MNT: variants seen among roughly 807,000 people sequenced by gnomAD.
MNT encodes max-binding protein MNT.
MNT carries 13 observed loss-of-function variants against 40.7 expected under a neutral mutation model. That is an observed-to-expected ratio of 0.32 (90% CI 0.21 to 0.51). The LOEUF (loss-of-function observed/expected upper bound fraction) is 0.51. MNT is among the 20% of genes least tolerant of loss of function. The pLI, the probability that MNT is intolerant of heterozygous loss-of-function variation, is 0.98. For missense variants in MNT, 757 were observed against 792.0 expected (o/e 0.96, Z 0.53); for synonymous variants, 426 against 354.8 (o/e 1.20, Z -2.26).
chr17:2,398,000 C>T (rs977998667), intron 1 of MNT, among the ~76,000 whole-genome samples: 4 of 152,266 alleles, frequency 2.6e-5, no homozygotes, highest in African/African-American at 9.6e-5. Context: ...AGCGTGCTCC[C>T]TTCAACCTTC....
rs35367394 is a variant in MNT, at chr17:2,394,277, GCACACACACA to G, written c.695+18_695+27del. On this transcript the variant is annotated intron_variant, in intron 3 of 5. Coordinates refer to ENST00000174618, the MANE Select transcript of MNT (RefSeq NM_020310.3). ...CCGGGTCGCGCGCGCACGCACGCAC[GCACACACACA>G]CACACACACACACACACCTGTTCTT... is the stretch of plus-strand genomic sequence containing the variant. The G allele has an allele frequency of 1.6e-5, 24 of 1,489,244 alleles. No homozygotes were observed. The highest frequency in any genetic ancestry group is 4.7e-5 in the African/African-American group (3 of 63,918). 92.3% of individuals were successfully genotyped at this position (1,489,244 alleles called of 1,614,324 possible).
At position 2,395,404 on chromosome 17, in the gene MNT, T is replaced by C. The variant is rs918799333; in HGVS notation, c.124A>G (p.Lys42Glu). The change falls in exon 2 of 6, where the codon AAG (lysine) becomes GAG (glutamate). Residue 42 changes from lysine to glutamate, a missense_variant. Around this residue, in one of 4 missense-constraint regions of MNT, gnomAD observed 335 missense variants for 291.4 expected, o/e 1.15. Coordinates refer to ENST00000174618, the MANE Select transcript of MNT (RefSeq NM_020310.3). ...GCCAGCCTGGCCAGGCTATTGGCCT[T>C]CTTCTGTTCCTGCTCTCGCTCCTGC... is the stretch of plus-strand genomic sequence containing the variant. Reference protein sequence around the residue: ...LEQEREQEQKKANSLARLAHT... With the variant: ...LEQEREQEQKEANSLARLAHT... The C allele has an allele frequency of 8.1e-6, 13 of 1,613,310 alleles. No individual in the cohort carries two copies. Among genetic ancestry groups the C allele is most frequent in the Admixed American group, 5.0e-5 (3 of 59,972 alleles).
intron 4 of MNT, chr17:2,392,214 G>C (rs1194121129): frequency 6.6e-6 from 1 of 152,226 alleles, no homozygotes; most frequent in African/African-American, 2.4e-5. Context: ...TCGCCCAGAA[G>C]CAGAGACTTC....
intron 2 of MNT, 108 bp from the exon 3 acceptor site, chr17:2,394,454 T>A: frequency 6.6e-7 from 1 of 1,521,104 alleles, no homozygotes; most frequent in Non-Finnish European, 9.0e-7. Flanking sequence ...TCCCCAACAC[T>A]GTCTTAAAGC....
chr17:2,399,890 G>A (rs564828332), intron 1 of MNT, among the ~76,000 whole-genome samples: 15 of 152,346 alleles, frequency 9.8e-5, no homozygotes, highest in African/African-American at 3.4e-4. Context: ...GGGCCCGGGG[G>A]CTGACCCCCA....
In MNT at chr17:2,394,957, G is replaced by A. The variant is rs775282908; in HGVS notation, c.571C>T (p.Pro191Ser). ...AGGGTCCCCAGCGTGGGTGGGGGCG[G>A]CTGCTGGGGGGCCAGCTGAGGCTGG... ...GVQPQLAPQQ[P>S]PPPTLGTLKL... is the part of the protein sequence containing the mutation. Residue 191 changes from proline to serine, a missense_variant, in exon 2 of 6, where the codon CCG becomes TCG. By Grantham distance (74) the Pro-to-Ser change is moderately conservative. Transcript: ENST00000174618. 2.5e-6 allele frequency: 4 copies of A among 1,607,456 alleles called. No homozygotes were observed. Among genetic ancestry groups the A allele is most frequent in the South Asian group, 2.2e-5 (2 of 89,876 alleles).
At chr17:2,388,197 C>T in intron 4 of MNT, 148 bp from the exon 5 acceptor site, 2 of 712,106 alleles carry the variant, frequency 2.8e-6, no homozygotes, top group East Asian at 2.8e-5. Flanking sequence ...CTGGAGACCG[C>T]ACCTGTTGTG....
At chr17:2,393,187 C>G (rs940390881) in intron 4 of MNT, among the ~76,000 whole-genome samples, 5 of 148,002 alleles carry the variant, frequency 3.4e-5, no homozygotes, top group Non-Finnish European at 7.5e-5. Context: ...CCATCCCCTA[C>G]GGCTCCGCGT....
chr17:2,398,902 T>C (rs1460459224), intron 1 of MNT, among the ~76,000 whole-genome samples: 1 of 152,102 alleles, frequency 6.6e-6, no homozygotes, highest in Non-Finnish European at 1.5e-5. Context: ...CCCAGGCATC[T>C]GAGCCTCACA....
chr17:2,387,904 T>C lies in MNT; in HGVS notation c.953A>G (p.Gln318Arg). The C allele has an allele frequency of 6.2e-7, 1 of 1,606,294 alleles. No homozygotes were observed. Among genetic ancestry groups the C allele is most frequent in the Non-Finnish European group, 8.5e-7 (1 of 1,179,254 alleles). ...CTGGTCATCCTCGGGCTGGCCCGTCTGCCGCAGCACGCGGTCAATCTCCAG... is the reference window on the plus strand; with the variant it reads ...CTGGTCATCCTCGGGCTGGCCCGTCCGCCGCAGCACGCGGTCAATCTCCAG... Reference protein sequence around the residue: ...DVLEIDRVLRQTGQPEDDQAS... With the variant: ...DVLEIDRVLRRTGQPEDDQAS... Residue 318 changes from glutamine to arginine, a missense_variant, in exon 5 of 6, where the codon CAG becomes CGG. Gln to Arg is a conservative substitution (Grantham distance 43, BLOSUM62 1). Transcript: ENST00000174618.
Position 2,387,631 on chromosome 17 carries a change from T to C in MNT, c.1019A>G (p.Asp340Gly). 1 of 1,613,986 alleles carries C rather than the reference T, an allele frequency of 6.2e-7. No individual in the cohort carries two copies. The highest frequency in any genetic ancestry group is 8.5e-7 in the Non-Finnish European group (1 of 1,179,966). Residue 340 changes from aspartate (D) to glycine (G), a missense_variant, in exon 6 of 6, where the codon GAC becomes GGC. By Grantham distance (94) the Asp-to-Gly change is moderately conservative. Coordinates refer to ENST00000174618, the MANE Select transcript of MNT (RefSeq NM_020310.3). Reference protein sequence around the residue: ...STASEGEDNIDEDMEEDRAGL... With the variant: ...STASEGEDNIGEDMEEDRAGL... ...CGCCCGGTCCTCCTCCATATCCTCGTCTATGTTGTCCTCACCCTCTGTGGG... is the reference window on the plus strand; with the variant it reads ...CGCCCGGTCCTCCTCCATATCCTCGCCTATGTTGTCCTCACCCTCTGTGGG...
rs1346723175 is a variant in MNT at position 2,386,754 on chromosome 17, TCTTTGCACCCC to T, written c.*136_*146del. On this transcript the variant is annotated 3_prime_UTR_variant, in exon 6 of 6. Transcript: ENST00000174618. ...GGCCCTTCCCTCCCTTGGCTCAGAGTCTTTGCACCCCCTTCCCCTAGGAGGCCTGGGGGTGG... is the reference window on the plus strand; with the variant it reads ...GGCCCTTCCCTCCCTTGGCTCAGAGTCTTCCCCTAGGAGGCCTGGGGGTGG... 6 of 776,812 alleles carry T rather than the reference TCTTTGCACCCC, an allele frequency of 7.7e-6. No homozygotes were observed. The highest frequency in any genetic ancestry group is 1.1e-5 in the Non-Finnish European group (6 of 525,540). 48.1% of individuals were successfully genotyped at this position (776,812 alleles called of 1,614,324 possible).
At chr17:2,397,157 C>T (rs528501987) in intron 1 of MNT, among the ~76,000 whole-genome samples, 153 of 152,288 alleles carry the variant, frequency 1.0e-3, no homozygotes, top group African/African-American at 3.5e-3. Context: ...CTCCCTAGCC[C>T]TTCGGGAAGG....
At position 2,385,880 on chromosome 17, in the gene MNT, C is replaced by T. The variant is rs1405660549; in HGVS notation, c.*1021G>A. The T allele has an allele frequency of 6.6e-6, 1 of 152,394 alleles. No individual in the cohort carries two copies. The highest frequency in any genetic ancestry group is 6.5e-5 in the Admixed American group (1 of 15,292). 9.4% of individuals were successfully genotyped at this position (152,394 alleles called of 1,614,324 possible). On this transcript the variant is annotated 3_prime_UTR_variant, in exon 6 of 6. Transcript: ENST00000174618. ...CCTGGAAACAAGACCAGATGCTGGTCCATGTCTCCCAAACTGCAGGAGGCA... is the reference window on the plus strand; with the variant it reads ...CCTGGAAACAAGACCAGATGCTGGTTCATGTCTCCCAAACTGCAGGAGGCA...
chr17:2,397,416 A>G (rs2066585523), intron 1 of MNT, among the ~76,000 whole-genome samples: 1 of 152,056 alleles, frequency 6.6e-6, no homozygotes, highest in South Asian at 2.1e-4. Context: ...TGGCTGACAC[A>G]GACCTAACTT....
chr17:2,400,137 G>C (rs1278137659), intron 1 of MNT, among the ~76,000 whole-genome samples: 1 of 152,194 alleles, frequency 6.6e-6, no homozygotes, highest in African/African-American at 2.4e-5. Flanking sequence ...GCTGCTCCGC[G>C]TAGAGTAGTC....
intron 1 of MNT, 43 bp from the exon 2 acceptor site, chr17:2,395,497 C>T (rs768042735): frequency 2.5e-6 from 4 of 1,603,496 alleles, no homozygotes; most frequent in Non-Finnish European, 1.7e-6. Context: ...TCAGCGGGGC[C>T]CCAGAACTCC....
chr17:2,391,413 G>C (rs551441822), intron 4 of MNT: 1 of 152,318 alleles, frequency 6.6e-6, no homozygotes, highest in Admixed American at 6.5e-5. Context: ...CTGTGGGTAG[G>C]ATATAGTTCT....
Position 2,394,299 on chromosome 17 carries a change from AC to A in MNT, c.695+5del. 1 of 1,613,160 alleles carries A rather than the reference AC, an allele frequency of 6.2e-7. No homozygotes were observed. The highest frequency in any genetic ancestry group is 8.5e-7 in the Non-Finnish European group (1 of 1,179,810). On this transcript the variant is annotated splice_donor_5th_base_variant and intron_variant, in intron 3 of 5. Coordinates refer to ENST00000174618, the MANE Select transcript of MNT (RefSeq NM_020310.3). ...CACGCACACACACACACACACACAC[AC>A]ACACCTGTTCTTCTCCAATTTGTTG...
Sources: gnomAD v4.1 joint callset for allele counts (sites outside exome capture counted in the v4.1 genomes callset) on GRCh38, gnomAD v4.1.1 for gene constraint, gnomAD v4.1.1 regional missense constraint, MANE v1.5 for transcripts, NCBI Gene and HGNC (gene_info 2026-07-23, HGNC 2026-07-21) for gene names.